PRSS12: variants seen among roughly 807,000 people sequenced by gnomAD.
The protein encoded by PRSS12 is neurotrypsin.
In PRSS12, 85 loss-of-function variants were observed where a neutral mutation model predicts 104.4. The observed-to-expected ratio is 0.81, with a 90% CI of 0.68 to 0.98. The LOEUF is 0.98. PRSS12 is among the 50% of genes least tolerant of loss of function. The pLI, the probability that PRSS12 is intolerant of heterozygous loss-of-function variation, is 0.00. For synonymous variants in PRSS12, 454 were observed against 425.2 expected (o/e 1.07, Z -0.83); for missense variants, 1,141 against 1,139.2 (o/e 1.00, Z -0.02).
At chr4:118,307,773 C>A (rs1049182430) in intron 8 of PRSS12, among the ~76,000 whole-genome samples, 1 of 152,098 alleles carries the variant, frequency 6.6e-6, no homozygotes, top group Non-Finnish European at 1.5e-5. Flanking sequence ...TTATCTAATG[C>A]ATGCATTTTC....
chr4:118,313,185 T>C lies in PRSS12; in HGVS notation c.1489+16A>G. ...TACTGAATGATGGAAACTTGAGAGCTGCAGCCAGTCCTCACCCAGAGAGAG... is the reference window on the plus strand; with the variant it reads ...TACTGAATGATGGAAACTTGAGAGCCGCAGCCAGTCCTCACCCAGAGAGAG... On this transcript the variant is annotated intron_variant, in intron 7 of 12. Transcript: ENST00000296498. The C allele has an allele frequency of 6.2e-7, 1 of 1,611,920 alleles. No homozygotes were observed. Among genetic ancestry groups the C allele is most frequent in the Admixed American group, 1.7e-5 (1 of 59,944 alleles).
chr4:118,348,323 C>T (rs931202268), intron 1 of PRSS12, among the ~76,000 whole-genome samples: 1 of 152,114 alleles, frequency 6.6e-6, no homozygotes, highest in Non-Finnish European at 1.5e-5. Flanking sequence ...CATTGGCATG[C>T]CTTACACCTG....
intron 2 of PRSS12, among the ~76,000 whole-genome samples, chr4:118,336,900 TGTTTGCCA>T (rs1269161477): frequency 2.6e-5 from 4 of 152,376 alleles, no homozygotes; most frequent in African/African-American, 9.6e-5. Flanking sequence ...GCCAATTGTC[TGTTTGCCA>T]GACTAAGTAT....
intron 6 of PRSS12, among the ~76,000 whole-genome samples, chr4:118,313,758 C>T (rs1266560185): frequency 1.3e-5 from 2 of 152,142 alleles, no homozygotes; most frequent in East Asian, 3.8e-4. Context: ...CATTTTGCTT[C>T]TGATGCTCCC....
intron 1 of PRSS12, among the ~76,000 whole-genome samples, chr4:118,351,149 A>T (rs1222777656): frequency 6.6e-6 from 1 of 152,204 alleles, no homozygotes; most frequent in African/African-American, 2.4e-5. Flanking sequence ...GGTACTGATA[A>T]ATAAAATTTC....
rs1005142574 is a variant in PRSS12, at chr4:118,352,370, G to C, written c.351C>G (p.Pro117=). ...APCLRWAEVP[P]FLERSPPASW... Reference sequence around the variant, plus strand: ...TCGCTGGGGGCGACCGCTCCAGGAAGGGTGGCACCTCCGCCCACCGCAGAC... The same window carrying C: ...TCGCTGGGGGCGACCGCTCCAGGAACGGTGGCACCTCCGCCCACCGCAGAC... Residue 117 remains proline, a synonymous_variant, in exon 1 of 13, where the codon CCC becomes CCG. Coordinates refer to ENST00000296498, the MANE Select transcript of PRSS12 (RefSeq NM_003619.4). The C allele has an allele frequency of 6.4e-7, 1 of 1,560,682 alleles. No individual in the cohort carries two copies. Among genetic ancestry groups the C allele is most frequent in the Non-Finnish European group, 8.6e-7 (1 of 1,159,078 alleles).
At chr4:118,318,243 T>C in intron 5 of PRSS12, 135 bp downstream of exon 5, 4 of 877,524 alleles carry the variant, frequency 4.6e-6, no homozygotes, top group Non-Finnish European at 7.1e-6. Flanking sequence ...GTTTGCATTC[T>C]TTTTGTTTGT....
chr4:118,302,775 C>T (rs1032632539), intron 8 of PRSS12, among the ~76,000 whole-genome samples: 4 of 149,098 alleles, frequency 2.7e-5, no homozygotes, highest in Non-Finnish European at 1.5e-5. Flanking sequence ...TATATCTGTG[C>T]TTAAATTTCT....
intron 9 of PRSS12, among the ~76,000 whole-genome samples, chr4:118,298,483 G>T (rs1743309072): frequency 6.6e-6 from 1 of 152,150 alleles, no homozygotes; most frequent in Non-Finnish European, 1.5e-5. Flanking sequence ...AAATGGCTAA[G>T]AAAGTGAAAA....
At chr4:118,312,357 C>G (rs1051185909) in intron 7 of PRSS12, among the ~76,000 whole-genome samples, 4 of 152,044 alleles carry the variant, frequency 2.6e-5, no homozygotes, top group Non-Finnish European at 5.9e-5. Flanking sequence ...TATTCATACA[C>G]ATACACACAC....
At position 118,335,568 on chromosome 4, in the gene PRSS12, T is replaced by C. The variant is rs1200548699; in HGVS notation, c.725A>G (p.Asp242Gly). The change falls in exon 3 of 13, where the codon GAT (aspartate) becomes GGT (glycine). Residue 242 changes from aspartate (D) to glycine (G), a missense_variant. Transcript: ENST00000296498. ...TTCACAAAGCAGTATATTTTCTTCA[T>C]CTCCTCGGCAACGGACATTGCTCCA... Reference protein sequence around the residue: ...IYWSNVRCRGDEENILLCEKD... With the variant: ...IYWSNVRCRGGEENILLCEKD... 6.2e-7 allele frequency: 1 copy of C among 1,614,036 alleles called. No homozygotes were observed. Among genetic ancestry groups the C allele is most frequent in the Admixed American group, 1.7e-5 (1 of 59,980 alleles).
intron 1 of PRSS12, 100 bp downstream of exon 1, chr4:118,352,119 C>T: frequency 4.6e-6 from 7 of 1,525,436 alleles, no homozygotes; most frequent in Non-Finnish European, 4.4e-6. Flanking sequence ...CACAACCCCA[C>T]ACACCCCGTC....
rs1480439312 is a variant in PRSS12, at chr4:118,352,441, G to T, written c.280C>A (p.Pro94Thr). The T allele has an allele frequency of 7.8e-5, 116 of 1,489,356 alleles. No homozygotes were observed. The highest frequency in any genetic ancestry group is 1.0e-4 in the Non-Finnish European group (113 of 1,123,322). The allele number at this position is 1,489,356 out of a possible 1,614,324, so 92.3% of individuals were successfully genotyped here. The change falls in exon 1 of 13, where the codon CCC becomes ACC. Residue 94 changes from proline (P) to threonine (T), a missense_variant. Transcript: ENST00000296498. ...ACGCTGACCCATGGCTCGCCGGCGGGGCAGCCCCAGGGGTGCGGCCGGGGC... is the reference window on the plus strand; with the variant it reads ...ACGCTGACCCATGGCTCGCCGGCGGTGCAGCCCCAGGGGTGCGGCCGGGGC... ...HTPRPHPWGC[P>T]AGEPWVSVTD...
In PRSS12 at chr4:118,281,915, CTTTGAAGTT is replaced by C. The variant is rs771746888; in HGVS notation, c.*12_*20del. On this transcript the variant is annotated 3_prime_UTR_variant, in exon 13 of 13. Coordinates refer to ENST00000296498, the MANE Select transcript of PRSS12 (RefSeq NM_003619.4). Reference sequence around the variant, plus strand: ...AAGTTTTCCATTTGTTTAAATGCTGCTTTGAAGTTTCCATGAAGAATTACAGTTTGGTGA... The same window carrying C: ...AAGTTTTCCATTTGTTTAAATGCTGCTCCATGAAGAATTACAGTTTGGTGA... The C allele has an allele frequency of 2.8e-6, 3 of 1,061,610 alleles. No individual in the cohort carries two copies. Among genetic ancestry groups the C allele is most frequent in the Non-Finnish European group, 4.4e-6 (3 of 674,950 alleles). 65.8% of individuals were successfully genotyped at this position (1,061,610 alleles called of 1,614,324 possible).
At chr4:118,335,686 A>T in intron 2 of PRSS12, 35 bp from the exon 3 acceptor site, 2 of 1,594,730 alleles carry the variant, frequency 1.3e-6, no homozygotes, top group Non-Finnish European at 8.6e-7. Context: ...GGTTTATCAA[A>T]TGTAGGCAAA....
chr4:118,322,164 G>GCAGT (rs1723643935), intron 4 of PRSS12, among the ~76,000 whole-genome samples: 1 of 152,006 alleles, frequency 6.6e-6, no homozygotes, highest in Non-Finnish European at 1.5e-5. Flanking sequence ...TCTTGCAATA[G>GCAGT]TAGTGTACAA....
chr4:118,319,434 T>G (rs1723552390), intron 4 of PRSS12, among the ~76,000 whole-genome samples: 1 of 152,126 alleles, frequency 6.6e-6, no homozygotes, highest in Non-Finnish European at 1.5e-5. Flanking sequence ...ATCTTCCTTC[T>G]CCTGACTGCA....
chr4:118,301,231 A>G (rs1292610639), intron 8 of PRSS12, among the ~76,000 whole-genome samples: 4 of 152,136 alleles, frequency 2.6e-5, no homozygotes, highest in Admixed American at 6.5e-5. Context: ...TTATCATGCT[A>G]TATGTGCACA....
At chr4:118,319,710 C>T (rs550101049) in intron 4 of PRSS12, among the ~76,000 whole-genome samples, 1 of 152,272 alleles carries the variant, frequency 6.6e-6, no homozygotes, top group East Asian at 1.9e-4. Flanking sequence ...CAGGGTCTCA[C>T]TCTGTTGCCC....
Sources: gnomAD v4.1 joint callset for allele counts (sites outside exome capture counted in the v4.1 genomes callset) on GRCh38, gnomAD v4.1.1 for gene constraint, MANE v1.5 for transcripts, NCBI Gene and HGNC (gene_info 2026-07-23, HGNC 2026-07-21) for gene names.